The following MANEAL variants were observed in gnomAD, a reference collection of about 807,000 sequenced individuals.
MANEAL encodes glycoprotein endo-alpha-1,2-mannosidase-like protein.
MANEAL carries 28 observed loss-of-function variants against 35.9 expected under a neutral mutation model. The observed-to-expected ratio is 0.78, with a 90% CI of 0.58 to 1.07. The LOEUF is 1.07. MANEAL is among the 50% of genes least tolerant of loss of function. The probability of loss-of-function intolerance (pLI) is 0.00; values close to 1 mark genes in which losing one functional copy is unlikely to be tolerated. For missense variants in MANEAL, 576 were observed against 629.6 expected, an observed-to-expected ratio of 0.91 and a Z score of 0.91; for synonymous variants, 286 against 272.2, an observed-to-expected ratio of 1.05 and a Z score of -0.50.
At chr1:37,795,503 T>TC (rs1646637905) in intron 1 of MANEAL, 1 of 1,357,890 alleles carries the variant, frequency 7.4e-7, no homozygotes, top group Non-Finnish European at 9.5e-7. Flanking sequence ...AAAGCCTGGC[T>TC]CCCTTCCGGC....
chr1:37,794,473 G>A lies in MANEAL; in HGVS notation c.291G>A (p.Gln97=). ...CGGAGGCCGAGCCCGCCCCCGTGCA[G>A]AGCCTGCGCGTCTACTCGGACCTGC... The part of the protein sequence containing the change: ...APAEAEPAPV[Q]SLRVYSDLHA... The change falls in exon 1 of 4, where the codon CAG becomes CAA. Residue 97 remains glutamine, a synonymous_variant. Transcript: ENST00000373045. The surrounding 1 kb of genome is among the most constrained non-coding windows in gnomAD (Gnocchi z 5.7). 6.3e-7 allele frequency: 1 copy of A among 1,588,544 alleles called. No homozygotes were observed. The highest frequency in any genetic ancestry group is 8.6e-7 in the Non-Finnish European group (1 of 1,169,034).
Position 37,796,733 on chromosome 1 carries a change from G to C in MANEAL, c.661-11G>C, listed in dbSNP as rs765298177. 8 of 1,601,546 alleles carry C rather than the reference G, an allele frequency of 5.0e-6. No individual in the cohort carries two copies. Among genetic ancestry groups the C allele is most frequent in the Non-Finnish European group, 6.8e-6 (8 of 1,174,064 alleles). On this transcript the variant is annotated splice_polypyrimidine_tract_variant and intron_variant, in intron 2 of 3. Coordinates refer to ENST00000373045, the MANE Select transcript of MANEAL (RefSeq NM_001113482.2). ...ACACTCACCTGACCATTACTCCTCTGTTTGTGGCAGGTGGCCTTCCACATC... is the reference window on the plus strand; with the variant it reads ...ACACTCACCTGACCATTACTCCTCTCTTTGTGGCAGGTGGCCTTCCACATC...
intron 3 of MANEAL, among the ~76,000 whole-genome samples, chr1:37,798,187 C>T (rs1646661901): frequency 6.6e-6 from 1 of 152,128 alleles, no homozygotes; most frequent in Admixed American, 6.5e-5. Flanking sequence ...TATTGAGTGC[C>T]TACATGTGTC....
At position 37,799,684 on chromosome 1, in the gene MANEAL, A is replaced by G; in HGVS notation, c.855A>G (p.Thr285=). ...TSPEAWAHLL[T]PNGPHSIRNT... is the part of the protein sequence containing the mutation. ...CTGAGGCCTGGGCCCACCTCCTGAC[A>G]CCAAACGGGCCCCATTCGATCCGCA... is the stretch of plus-strand genomic sequence containing the variant. The change falls in exon 4 of 4, where the codon ACA becomes ACG. Residue 285 remains threonine (T), a synonymous_variant. Transcript: ENST00000373045. The surrounding 1 kb of genome is among the most constrained non-coding windows in gnomAD (Gnocchi z 4.1). 1 of 1,614,018 alleles carries G rather than the reference A, an allele frequency of 6.2e-7. No homozygotes were observed. The highest frequency in any genetic ancestry group is 8.5e-7 in the Non-Finnish European group (1 of 1,180,026).
At chr1:37,798,800 A>G (rs914556398) in intron 3 of MANEAL, among the ~76,000 whole-genome samples, 1 of 152,140 alleles carries the variant, frequency 6.6e-6, no homozygotes, top group Non-Finnish European at 1.5e-5. Flanking sequence ...GCACTTTGAG[A>G]GGCTGAGGTG....
chr1:37,794,837 A>C lies in MANEAL; in HGVS notation c.550+105A>C. Reference sequence around the variant, plus strand: ...TGTCACCGGCCCTTTGGTCCCACTTATCCGCCAGCCTGGCTTCTTAGCTGT... The same window carrying C: ...TGTCACCGGCCCTTTGGTCCCACTTCTCCGCCAGCCTGGCTTCTTAGCTGT... On this transcript the variant is annotated intron_variant, in intron 1 of 3. Coordinates refer to ENST00000373045, the MANE Select transcript of MANEAL (RefSeq NM_001113482.2). This position sits in a 1 kb window ranked among gnomAD's most constrained non-coding sequence, Gnocchi z 5.7. 2.7e-6 allele frequency: 2 copies of C among 733,754 alleles called. No individual in the cohort carries two copies. Among genetic ancestry groups the C allele is most frequent in the South Asian group, 1.8e-5 (1 of 55,320 alleles). The allele number at this position is 733,754 out of a possible 1,614,324, so 45.5% of individuals were successfully genotyped here.
chr1:37,794,175 A>G lies in MANEAL; in HGVS notation c.-8A>G. 8.1e-7 allele frequency: 1 copy of G among 1,231,728 alleles called. No homozygotes were observed. Among genetic ancestry groups the G allele is most frequent in the Non-Finnish European group, 1.0e-6 (1 of 974,340 alleles). The allele number at this position is 1,231,728 out of a possible 1,614,324, so 76.3% of individuals were successfully genotyped here. ...TAGCGCGGCGGCTGCAGGAGCGCACAGTCGGCCATGGCCCGGCGGCGGCGC... is the reference window on the plus strand; with the variant it reads ...TAGCGCGGCGGCTGCAGGAGCGCACGGTCGGCCATGGCCCGGCGGCGGCGC... On this transcript the variant is annotated 5_prime_UTR_variant, in exon 1 of 4. Coordinates refer to ENST00000373045, the MANE Select transcript of MANEAL (RefSeq NM_001113482.2). This position sits in a 1 kb window ranked among gnomAD's most constrained non-coding sequence, Gnocchi z 5.7.
Position 37,794,851 on chromosome 1 carries a change from C to A in MANEAL, c.550+119C>A. 1 of 680,028 alleles carries A rather than the reference C, an allele frequency of 1.5e-6. No individual in the cohort carries two copies. The highest frequency in any genetic ancestry group is 2.5e-6 in the Non-Finnish European group (1 of 405,812). 42.1% of individuals were successfully genotyped at this position (680,028 alleles called of 1,614,324 possible). On this transcript the variant is annotated intron_variant, in intron 1 of 3. Coordinates refer to ENST00000373045, the MANE Select transcript of MANEAL (RefSeq NM_001113482.2). The surrounding 1 kb of genome is among the most constrained non-coding windows in gnomAD (Gnocchi z 5.7). The stretch of plus-strand genomic sequence containing the variant: ...TGGTCCCACTTATCCGCCAGCCTGG[C>A]TTCTTAGCTGTTCCCTCCCACTCTC...
chr1:37,794,199 G>A lies in MANEAL; in HGVS notation c.17G>A (p.Arg6His), dbSNP rs780138949. MARRR[R>H]RACIALFLVL... ...CAGTCGGCCATGGCCCGGCGGCGGCGCCGCGCCTGCATCGCTCTGTTCCTG... is the reference window on the plus strand; with the variant it reads ...CAGTCGGCCATGGCCCGGCGGCGGCACCGCGCCTGCATCGCTCTGTTCCTG... Residue 6 changes from arginine (R) to histidine (H), a missense_variant, in exon 1 of 4, where the codon CGC becomes CAC. Physicochemically the swap from Arg to His is conservative, Grantham distance 29 (BLOSUM62 0). Around this residue, in one of 3 missense-constraint regions of MANEAL, gnomAD observed 122 missense variants for 97.2 expected, o/e 1.26. Transcript: ENST00000373045. This position sits in a 1 kb window ranked among gnomAD's most constrained non-coding sequence, Gnocchi z 5.7. 4 of 1,289,382 alleles carry A rather than the reference G, an allele frequency of 3.1e-6. No homozygotes were observed. Among genetic ancestry groups the A allele is most frequent in the Admixed American group, 3.0e-5 (1 of 33,372 alleles). The allele number at this position is 1,289,382 out of a possible 1,614,324, so 79.9% of individuals were successfully genotyped here.
intron 3 of MANEAL, among the ~76,000 whole-genome samples, chr1:37,797,928 T>C (rs982668253): frequency 2.6e-5 from 4 of 151,882 alleles, no homozygotes; most frequent in African/African-American, 9.7e-5. Flanking sequence ...GGAGGATTGA[T>C]TGCTTGAGGC....
At chr1:37,797,714 G>A (rs186436515) in intron 3 of MANEAL, among the ~76,000 whole-genome samples, 2 of 152,188 alleles carry the variant, frequency 1.3e-5, no homozygotes, top group South Asian at 2.1e-4. Flanking sequence ...GCTAAGGTGA[G>A]TGGATCACTT....
At chr1:37,797,361 G>A (rs1399300420) in intron 3 of MANEAL, among the ~76,000 whole-genome samples, 2 of 151,422 alleles carry the variant, frequency 1.3e-5, no homozygotes, top group African/African-American at 4.9e-5. Context: ...AGATTGCACC[G>A]CTGCACTCCA....
rs773875435 is a variant in MANEAL at position 37,794,629 on chromosome 1, A to AGAC, written c.451_453dup (p.Asp151dup). ...ACCCCCGCGGCCGCCACAGCCCCCCAGACGACTTGGGCTCCAGCTTCTACC... is the reference window on the plus strand; with the variant it reads ...ACCCCCGCGGCCGCCACAGCCCCCCAGACGACGACTTGGGCTCCAGCTTCTACC... On this transcript the variant is annotated inframe_insertion, in exon 1 of 4. Coordinates refer to ENST00000373045, the MANE Select transcript of MANEAL (RefSeq NM_001113482.2). This position sits in a 1 kb window ranked among gnomAD's most constrained non-coding sequence, Gnocchi z 5.7. The AGAC allele has an allele frequency of 3.4e-5, 55 of 1,610,618 alleles. No individual in the cohort carries two copies. The highest frequency in any genetic ancestry group is 4.7e-5 in the Non-Finnish European group (55 of 1,179,228).
chr1:37,796,913 T>C, intron 3 of MANEAL, 93 bp downstream of exon 3: 2 of 1,208,588 alleles, frequency 1.7e-6, no homozygotes, highest in South Asian at 1.3e-5. Context: ...ACACAGGGCA[T>C]AATGCCTGTG....
Position 37,794,159 on chromosome 1 carries a change from G to T in MANEAL, c.-24G>T. The T allele has an allele frequency of 8.6e-7, 1 of 1,158,114 alleles. No individual in the cohort carries two copies. Among genetic ancestry groups the T allele is most frequent in the African/African-American group, 1.7e-5 (1 of 60,442 alleles). The allele number at this position is 1,158,114 out of a possible 1,614,324, so 71.7% of individuals were successfully genotyped here. On this transcript the variant is annotated 5_prime_UTR_variant, in exon 1 of 4. Transcript: ENST00000373045. The surrounding 1 kb of genome is among the most constrained non-coding windows in gnomAD (Gnocchi z 5.7). Reference sequence around the variant, plus strand: ...GCGGCACGCTGGGAGGTAGCGCGGCGGCTGCAGGAGCGCACAGTCGGCCAT... The same window carrying T: ...GCGGCACGCTGGGAGGTAGCGCGGCTGCTGCAGGAGCGCACAGTCGGCCAT...
Position 37,794,069 on chromosome 1 carries a change from C to T in MANEAL, c.-114C>T. 1.4e-6 allele frequency: 1 copy of T among 693,810 alleles called. No homozygotes were observed. Among genetic ancestry groups the T allele is most frequent in the Non-Finnish European group, 1.8e-6 (1 of 552,442 alleles). 43.0% of individuals were successfully genotyped at this position (693,810 alleles called of 1,614,324 possible). A position where few individuals can be genotyped will look rare whatever the true frequency, so the allele number is the denominator to read the frequency against. Reference sequence around the variant, plus strand: ...CTGCGGGGACAGGCCGGGCGCCGCCCACGCCGCGCTCTGCCGGGCGCACAG... The same window carrying T: ...CTGCGGGGACAGGCCGGGCGCCGCCTACGCCGCGCTCTGCCGGGCGCACAG... On this transcript the variant is annotated 5_prime_UTR_variant, in exon 1 of 4. Transcript: ENST00000373045. The surrounding 1 kb of genome is among the most constrained non-coding windows in gnomAD (Gnocchi z 5.7).
At chr1:37,796,870 A>G (rs1265737957) in intron 3 of MANEAL, 50 bp downstream of exon 3, 2 of 1,538,350 alleles carry the variant, frequency 1.3e-6, no homozygotes, top group South Asian at 1.2e-5. Context: ...AAATGGAGGT[A>G]GGGATAGAAG....
Position 37,794,471 on chromosome 1 carries a change from C to T in MANEAL, c.289C>T (p.Gln97Ter), listed in dbSNP as rs1569805928. The T allele has an allele frequency of 6.3e-7, 1 of 1,585,638 alleles. No individual in the cohort carries two copies. The highest frequency in any genetic ancestry group is 2.3e-5 in the East Asian group (1 of 43,312). ...APAEAEPAPV[Q>*]SLRVYSDLHA... ...CGCGGAGGCCGAGCCCGCCCCCGTGCAGAGCCTGCGCGTCTACTCGGACCT... is the reference window on the plus strand; with the variant it reads ...CGCGGAGGCCGAGCCCGCCCCCGTGTAGAGCCTGCGCGTCTACTCGGACCT... Residue 97 changes from glutamine to a stop codon, truncating the protein, a stop_gained, in exon 1 of 4, where the codon CAG becomes TAG. Transcript: ENST00000373045. LOFTEE classifies it high-confidence loss of function. This position sits in a 1 kb window ranked among gnomAD's most constrained non-coding sequence, Gnocchi z 5.7.
intron 1 of MANEAL, chr1:37,795,496 G>T (rs1402712520): frequency 7.4e-7 from 1 of 1,345,934 alleles, no homozygotes; most frequent in Non-Finnish European, 9.6e-7. Context: ...GCAGTCTAAA[G>T]CCTGGCTCCC....
Sources: gnomAD v4.1 joint callset for allele counts (sites outside exome capture counted in the v4.1 genomes callset) on GRCh38, gnomAD v4.1.1 for gene constraint, gnomAD v4.1.1 regional missense constraint, Gnocchi (gnomAD v3.1) non-coding constraint, MANE v1.5 for transcripts, NCBI Gene and HGNC (gene_info 2026-07-23, HGNC 2026-07-21) for gene names.